The following ARHGAP24 variants were observed in gnomAD, a reference collection of about 807,000 sequenced individuals.
ARHGAP24 encodes the protein Rho GTPase activating protein 24, also known as rho GTPase-activating protein 24.
In ARHGAP24, 50 loss-of-function variants were observed where a neutral mutation model predicts 76.4. The observed-to-expected ratio is 0.65, with a 90% CI of 0.52 to 0.83. The LOEUF is 0.83. ARHGAP24 is among the 40% of genes least tolerant of loss of function. The pLI is 0.00. For synonymous variants in ARHGAP24, 345 were observed against 323.3 expected (o/e 1.07, Z -0.72); for missense variants, 930 against 914.2 (o/e 1.02, Z -0.22).
rs192110503 is a variant in ARHGAP24 at position 85,915,989 on chromosome 4, T to C, written c.269-7659T>C. ...TTTCTGGTTCTAGATCCTGGAGGAA[T>C]CAACACACTGTCTTCCACAACAGTT... On this transcript the variant is annotated intron_variant, in intron 3 of 9. Coordinates refer to ENST00000395184, the MANE Select transcript of ARHGAP24 (RefSeq NM_001025616.3). Among the ~76,000 whole-genome samples the C allele has an allele frequency of 2.6e-3, 403 of 152,336 alleles. 1 individual carries two copies. The highest frequency in any genetic ancestry group is 3.1e-3 in the Non-Finnish European group (209 of 68,028).
chr4:85,585,532 G>T (rs1727821367), intron 2 of ARHGAP24, among the ~76,000 whole-genome samples: 1 of 152,178 alleles, frequency 6.6e-6, no homozygotes, highest in African/African-American at 2.4e-5. Context: ...CCATTTAAGG[G>T]TTATAACAAA....
chr4:85,570,893 C>A, intron 2 of ARHGAP24, 172 bp downstream of exon 2: 1 of 726,148 alleles, frequency 1.4e-6, no homozygotes. Flanking sequence ...ATAATAAAAT[C>A]GCTAATTGAG....
chr4:85,946,477 C>A (rs1737272479), intron 5 of ARHGAP24, among the ~76,000 whole-genome samples: 1 of 152,016 alleles, frequency 6.6e-6, no homozygotes, highest in Admixed American at 6.6e-5. Flanking sequence ...CCCTTAGCAC[C>A]CTCTCTCCCT....
chr4:85,662,041 G>T lies in ARHGAP24; in HGVS notation c.181-59844G>T, dbSNP rs540255813. Among the ~76,000 whole-genome samples, 11 of 152,292 alleles carry T rather than the reference G, an allele frequency of 7.2e-5. No individual in the cohort carries two copies. The East Asian group carries it at 2.1e-3, about 29-fold the overall frequency. On this transcript the variant is annotated intron_variant, in intron 2 of 9. Transcript: ENST00000395184. Reference sequence around the variant, plus strand: ...CCTTTGGGTATATACCCAGTAATGGGTTGGTTGGTCAAGTGGTATTTCTAC... The same window carrying T: ...CCTTTGGGTATATACCCAGTAATGGTTTGGTTGGTCAAGTGGTATTTCTAC...
At chr4:85,513,141 CA>C (rs1470246557) in intron 1 of ARHGAP24, among the ~76,000 whole-genome samples, 1 of 152,262 alleles carries the variant, frequency 6.6e-6, no homozygotes, top group Non-Finnish European at 1.5e-5. Flanking sequence ...CAATTATCCA[CA>C]GAAACATCTC....
intron 5 of ARHGAP24, among the ~76,000 whole-genome samples, chr4:85,952,448 C>T (rs895245781): frequency 1.3e-4 from 20 of 152,096 alleles, no homozygotes; most frequent in African/African-American, 4.6e-4. Flanking sequence ...AGCTATGGAT[C>T]CATTTGGGAT....
intron 3 of ARHGAP24, among the ~76,000 whole-genome samples, chr4:85,875,556 T>C (rs1732865137): frequency 1.4e-5 from 1 of 70,520 alleles, no homozygotes; most frequent in Non-Finnish European, 2.6e-5. Context: ...TTTTATATTA[T>C]ATTTTTATAT....
intron 2 of ARHGAP24, among the ~76,000 whole-genome samples, chr4:85,686,076 T>G (rs1044291411): frequency 6.6e-6 from 1 of 152,204 alleles, no homozygotes; most frequent in Non-Finnish European, 1.5e-5. Flanking sequence ...TGTCTCAGGA[T>G]AGTTGGTAGT....
intron 1 of ARHGAP24, among the ~76,000 whole-genome samples, chr4:85,533,838 G>T (rs997977613): frequency 6.6e-6 from 1 of 151,912 alleles, no homozygotes; most frequent in Non-Finnish European, 1.5e-5. Flanking sequence ...AATATATTAT[G>T]GTAATCATTA....
At chr4:85,494,988 C>G (rs1723504170) in intron 1 of ARHGAP24, among the ~76,000 whole-genome samples, 2 of 150,918 alleles carry the variant, frequency 1.3e-5, no homozygotes, top group Non-Finnish European at 3.0e-5. Context: ...GTCCCAGCTA[C>G]TCGAGAGGCT....
At chr4:85,747,700 C>T (rs1397286763) in intron 3 of ARHGAP24, among the ~76,000 whole-genome samples, 1 of 120,266 alleles carries the variant, frequency 8.3e-6, no homozygotes, top group African/African-American at 2.9e-5. Context: ...TAGACTCTGT[C>T]TAAAACAAAA....
At chr4:85,568,633 A>G (rs1374633550) in intron 1 of ARHGAP24, among the ~76,000 whole-genome samples, 1 of 152,158 alleles carries the variant, frequency 6.6e-6, no homozygotes, top group African/African-American at 2.4e-5. Context: ...GGCATCAGGC[A>G]TGGTCCAGTC....
chr4:85,915,371 G>T (rs1028524688), intron 3 of ARHGAP24, among the ~76,000 whole-genome samples: 5 of 151,964 alleles, frequency 3.3e-5, no homozygotes, highest in Admixed American at 1.3e-4. Context: ...TTAAAAACAT[G>T]ACCAAAATAA....
chr4:85,626,407 C>G (rs1319549690), intron 2 of ARHGAP24, among the ~76,000 whole-genome samples: 5 of 152,214 alleles, frequency 3.3e-5, no homozygotes, highest in African/African-American at 1.2e-4. Flanking sequence ...TCCCCACTCT[C>G]TTCTGGCTGA....
chr4:85,487,765 AT>A (rs1439874209), intron 1 of ARHGAP24, among the ~76,000 whole-genome samples: 1 of 107,060 alleles, frequency 9.3e-6, no homozygotes, highest in Non-Finnish European at 1.7e-5. Flanking sequence ...TATATATTAT[AT>A]AATATATATT....
chr4:85,974,591 A>T (rs527609009), intron 6 of ARHGAP24, among the ~76,000 whole-genome samples: 1 of 152,230 alleles, frequency 6.6e-6, no homozygotes, highest in African/African-American at 2.4e-5. Context: ...TAATTTTATT[A>T]ATAAATGAGC....
intron 3 of ARHGAP24, chr4:85,827,959 G>C: frequency 2.3e-6 from 3 of 1,289,780 alleles, no homozygotes; most frequent in Non-Finnish European, 3.0e-6. Flanking sequence ...GACCACTGAA[G>C]TGTATGTTTG....
At chr4:85,527,189 C>T (rs1392392123) in intron 1 of ARHGAP24, among the ~76,000 whole-genome samples, 1 of 152,110 alleles carries the variant, frequency 6.6e-6, no homozygotes, top group African/African-American at 2.4e-5. Flanking sequence ...TTTTCTGAGG[C>T]TGTATCTCAT....
intron 1 of ARHGAP24, among the ~76,000 whole-genome samples, chr4:85,528,261 A>G (rs1725097197): frequency 6.6e-6 from 1 of 152,124 alleles, no homozygotes; most frequent in Non-Finnish European, 1.5e-5. Context: ...TATACATGAT[A>G]ATAATACATT....
Sources: allele counts gnomAD v4.1 joint callset (sites outside exome capture counted in the v4.1 genomes callset), GRCh38; gene constraint gnomAD v4.1.1; transcripts MANE v1.5; gene names NCBI Gene and HGNC (gene_info 2026-07-23, HGNC 2026-07-21).